DIP2B: variants seen among roughly 807,000 people sequenced by gnomAD.
DIP2B encodes the protein DIP2 acetate--CoA ligase B (putative).
Under a neutral mutation model 198.0 loss-of-function variants are expected in DIP2B, and 76 were observed. That is an observed-to-expected ratio of 0.38 (90% confidence interval 0.32 to 0.46). The LOEUF (loss-of-function observed/expected upper bound fraction) is 0.46. Ranked by LOEUF, DIP2B falls within the 20% of genes least tolerant of loss-of-function variation. The pLI, the probability that DIP2B is intolerant of heterozygous loss-of-function variation, is 0.99. For missense variants in DIP2B, 1,559 were observed against 1,978.4 expected (o/e 0.79, Z 4.02); for synonymous variants, 701 against 739.1 (o/e 0.95, Z 0.84).
chr12:50,563,916 A>C (rs1958541886), intron 1 of DIP2B, among the ~76,000 whole-genome samples: 2 of 152,020 alleles, frequency 1.3e-5, no homozygotes, highest in Non-Finnish European at 2.9e-5. Flanking sequence ...GTAAGGATTG[A>C]GCTAATGACA....
chr12:50,574,478 G>T (rs1958640940), intron 1 of DIP2B, among the ~76,000 whole-genome samples: 1 of 152,238 alleles, frequency 6.6e-6, no homozygotes, highest in Non-Finnish European at 1.5e-5. Flanking sequence ...AGTGGTGCTG[G>T]ATTGGAGAGG....
chr12:50,661,144 C>G (rs760545300), intron 4 of DIP2B, among the ~76,000 whole-genome samples: 24 of 151,888 alleles, frequency 1.6e-4, no homozygotes, highest in Non-Finnish European at 2.9e-4. Flanking sequence ...TTTTTTAGAT[C>G]GAATCCCAGA....
chr12:50,526,135 A>G (rs568115433), intron 1 of DIP2B, among the ~76,000 whole-genome samples: 1 of 152,310 alleles, frequency 6.6e-6, no homozygotes, highest in African/African-American at 2.4e-5. Flanking sequence ...CTCAATAGAC[A>G]CTTGTTCAGT....
chr12:50,553,700 C>G (rs1381320643), intron 1 of DIP2B, among the ~76,000 whole-genome samples: 1 of 152,162 alleles, frequency 6.6e-6, no homozygotes, highest in Non-Finnish European at 1.5e-5. Context: ...GTCACCCAGG[C>G]TGGAGTGCAG....
rs148275984 is a variant in DIP2B, at chr12:50,531,507, T to G, written c.100+26267T>G. 1.6e-4 allele frequency among the ~76,000 whole-genome samples: 25 copies of G among 152,328 alleles called. No homozygotes were observed. In the East Asian group the frequency reaches 4.6e-3, roughly 28 times the overall value. On this transcript the variant is annotated intron_variant, in intron 1 of 37. Transcript: ENST00000301180. ...ACAAGGAGTATTAAGTGTCTCTTGTTGCATAGAGTTTGAGACTAGGACTGA... is the reference window on the plus strand; with the variant it reads ...ACAAGGAGTATTAAGTGTCTCTTGTGGCATAGAGTTTGAGACTAGGACTGA...
At chr12:50,634,850 T>A (rs556002432) in intron 2 of DIP2B, among the ~76,000 whole-genome samples, 1 of 152,320 alleles carries the variant, frequency 6.6e-6, no homozygotes, top group East Asian at 1.9e-4. Flanking sequence ...AAAGAGCATT[T>A]AGAATTTCTG....
chr12:50,687,313 G>A (rs1939148120), intron 12 of DIP2B, among the ~76,000 whole-genome samples: 1 of 152,138 alleles, frequency 6.6e-6, no homozygotes, highest in Non-Finnish European at 1.5e-5. Context: ...AATTTCCGTA[G>A]CTGAGCAAAG....
At chr12:50,535,813 G>T (rs1958259416) in intron 1 of DIP2B, among the ~76,000 whole-genome samples, 1 of 151,206 alleles carries the variant, frequency 6.6e-6, no homozygotes, top group Admixed American at 6.6e-5. Context: ...TCGTCACTTA[G>T]CATTAGGTAT....
chr12:50,657,079 T>TA (rs1938566627), intron 3 of DIP2B: 1 of 151,784 alleles, frequency 6.6e-6, no homozygotes, highest in Non-Finnish European at 1.5e-5. Context: ...CCATTAAAAA[T>TA]AAAAAATATT....
At chr12:50,699,768 C>A (rs534856947) in intron 19 of DIP2B, among the ~76,000 whole-genome samples, 4 of 151,998 alleles carry the variant, frequency 2.6e-5, no homozygotes, top group African/African-American at 7.2e-5. Context: ...AAGGCTGAGG[C>A]AGGAGGATCC....
At chr12:50,655,612 A>G (rs2139506198) in intron 3 of DIP2B, among the ~76,000 whole-genome samples, 1 of 152,384 alleles carries the variant, frequency 6.6e-6, no homozygotes, top group East Asian at 1.9e-4. Context: ...ATATGTCCTC[A>G]GTCTAAAGAC....
chr12:50,612,098 C>G (rs1216531008), intron 1 of DIP2B, among the ~76,000 whole-genome samples: 2 of 152,136 alleles, frequency 1.3e-5, no homozygotes, highest in East Asian at 3.9e-4. Context: ...GGGTGGTACC[C>G]CATCTCTACA....
chr12:50,652,841 T>C (rs559644355), intron 3 of DIP2B, among the ~76,000 whole-genome samples: 1 of 152,306 alleles, frequency 6.6e-6, no homozygotes, highest in South Asian at 2.1e-4. Flanking sequence ...TCCTCAGTTA[T>C]GTCTATTCCT....
At chr12:50,520,035 CTTT>C (rs35179881) in intron 1 of DIP2B, among the ~76,000 whole-genome samples, 2 of 100,548 alleles carry the variant, frequency 2.0e-5, no homozygotes, top group Admixed American at 1.2e-4. Flanking sequence ...ATTGAATCTC[CTTT>C]TTTTTTTTTT....
chr12:50,548,380 A>G (rs7978443), intron 1 of DIP2B, among the ~76,000 whole-genome samples: 9,885 of 152,208 alleles, frequency 0.065, 771 homozygotes, highest in East Asian at 0.38. Context: ...AAATGTTTGT[A>G]TTTGTATGCA....
intron 37 of DIP2B, among the ~76,000 whole-genome samples, chr12:50,743,154 C>T (rs1940284092): frequency 6.6e-6 from 1 of 152,134 alleles, no homozygotes; most frequent in African/African-American, 2.4e-5. Flanking sequence ...GCGATCCCGG[C>T]TCACTGCAAC....
chr12:50,668,532 T>C (rs1341440883), intron 4 of DIP2B, among the ~76,000 whole-genome samples: 2 of 152,194 alleles, frequency 1.3e-5, no homozygotes, highest in Non-Finnish European at 2.9e-5. Flanking sequence ...AATTGCATAA[T>C]TGATCCAATA....
At chr12:50,569,938 A>G (rs1958598831) in intron 1 of DIP2B, among the ~76,000 whole-genome samples, 1 of 152,218 alleles carries the variant, frequency 6.6e-6, no homozygotes, top group Non-Finnish European at 1.5e-5. Flanking sequence ...TCCAAGATGT[A>G]ACAGCTGAAC....
At chr12:50,561,614 A>G (rs982217894) in intron 1 of DIP2B, among the ~76,000 whole-genome samples, 1 of 149,870 alleles carries the variant, frequency 6.7e-6, no homozygotes, top group African/African-American at 2.5e-5. Flanking sequence ...AATTTGTTGT[A>G]TTATTGATTG....
Sources: allele counts gnomAD v4.1 joint callset (sites outside exome capture counted in the v4.1 genomes callset), GRCh38; gene constraint gnomAD v4.1.1; transcripts MANE v1.5; gene names NCBI Gene and HGNC (gene_info 2026-07-23, HGNC 2026-07-21).